CSMD1: variants seen among roughly 807,000 people sequenced by gnomAD.
The protein encoded by CSMD1 is CUB and sushi domain-containing protein 1.
Under a neutral mutation model 417.5 loss-of-function variants are expected in CSMD1, and 213 were observed. The observed-to-expected ratio is 0.51, with a 90% CI of 0.46 to 0.57. The LOEUF (loss-of-function observed/expected upper bound fraction) is 0.57, where lower values mean the gene tolerates loss of function less well. CSMD1 is among the 20% of genes least tolerant of loss of function. The pLI, the probability that CSMD1 is intolerant of heterozygous loss-of-function variation, is 0.00. For missense variants in CSMD1, 6,923 were observed against 4,529.7 expected, an observed-to-expected ratio of 1.53 and a Z score of -15.17; for synonymous variants, 2,862 against 1,736.8, an observed-to-expected ratio of 1.65 and a Z score of -16.11.
chr8:4,756,150 T>A (rs537500040), intron 1 of CSMD1, among the ~76,000 whole-genome samples: 1 of 152,342 alleles, frequency 6.6e-6, no homozygotes, highest in Admixed American at 6.5e-5. Context: ...TCAATTAAAC[T>A]TTATGAATTC....
At chr8:4,201,587 A>G (rs559891178) in intron 3 of CSMD1, among the ~76,000 whole-genome samples, 14 of 150,382 alleles carry the variant, frequency 9.3e-5, no homozygotes, top group African/African-American at 3.4e-4. Flanking sequence ...TCAGAAAACG[A>G]TATGCAACAA....
In CSMD1 at chr8:4,417,307, G is replaced by C. The variant is rs567168453; in HGVS notation, c.415+2646C>G. ...ATTATGTAGCTTAATAGTTCCATGTGTGAATAATAGTTTATGTAAATAAAG... is the reference window on the plus strand; with the variant it reads ...ATTATGTAGCTTAATAGTTCCATGTCTGAATAATAGTTTATGTAAATAAAG... On this transcript the variant is annotated intron_variant, in intron 3 of 69. Transcript: ENST00000635120. Among the ~76,000 whole-genome samples the C allele has an allele frequency of 2.6e-5, 4 of 152,068 alleles. No homozygotes were observed. In the South Asian group the frequency reaches 8.3e-4, roughly 32 times the overall value.
Position 4,285,772 on chromosome 8 carries a change from A to G in CSMD1, c.415+134181T>C, listed in dbSNP as rs139960592. Among the ~76,000 whole-genome samples, 12 of 152,284 alleles carry G rather than the reference A, an allele frequency of 7.9e-5. 1 individual carries two copies. Among genetic ancestry groups the G allele is most frequent in the African/African-American group, 2.9e-4 (12 of 41,570 alleles). On this transcript the variant is annotated intron_variant, in intron 3 of 69. Coordinates refer to ENST00000635120, the MANE Select transcript of CSMD1 (RefSeq NM_033225.6). ...CAGAGGTCAAAATAGCTTTGTTAAGACATGCAGGCTCTGCTTCTTCTCCAG... is the reference window on the plus strand; with the variant it reads ...CAGAGGTCAAAATAGCTTTGTTAAGGCATGCAGGCTCTGCTTCTTCTCCAG...
At chr8:4,027,426 G>A (rs183391149) in intron 4 of CSMD1, among the ~76,000 whole-genome samples, 1 of 152,086 alleles carries the variant, frequency 6.6e-6, no homozygotes, top group Admixed American at 6.6e-5. Context: ...GAGGTGATTA[G>A]ATCATGGGGG....
chr8:3,586,813 G>C (rs575518232), intron 8 of CSMD1, among the ~76,000 whole-genome samples: 1 of 152,116 alleles, frequency 6.6e-6, no homozygotes, highest in Non-Finnish European at 1.5e-5. Flanking sequence ...TGTTTGTTTT[G>C]TTTTGAGACA....
intron 3 of CSMD1, among the ~76,000 whole-genome samples, chr8:4,219,911 A>G (rs370047534): frequency 1.3e-5 from 2 of 152,222 alleles, no homozygotes; most frequent in African/African-American, 4.8e-5. Flanking sequence ...TACTTGTAAT[A>G]TGATGGAGAG....
chr8:4,678,782 T>G (rs1470315488), intron 1 of CSMD1, among the ~76,000 whole-genome samples: 1 of 152,184 alleles, frequency 6.6e-6, no homozygotes, highest in Non-Finnish European at 1.5e-5. Flanking sequence ...CGTCTTACCT[T>G]TGAGCAAGTT....
At chr8:4,511,280 G>A (rs1802804876) in intron 2 of CSMD1, among the ~76,000 whole-genome samples, 1 of 152,084 alleles carries the variant, frequency 6.6e-6, no homozygotes, top group Admixed American at 6.5e-5. Flanking sequence ...ATAGTCCCAG[G>A]GCTGGGAGCA....
In CSMD1 at chr8:3,586,229, C is replaced by T. The variant is rs757012519; in HGVS notation, c.1129G>A (p.Asp377Asn). The T allele has an allele frequency of 3.1e-6, 5 of 1,612,026 alleles. No individual in the cohort carries two copies. The highest frequency in any genetic ancestry group is 1.7e-6 in the Non-Finnish European group (2 of 1,179,242). Reference sequence around the variant, plus strand: ...TTAGATCCCTGGAGCACGTAATTGTCCTCACATGAAAACTGTACATTTGCA... The same window carrying T: ...TTAGATCCCTGGAGCACGTAATTGTTCTCACATGAAAACTGTACATTTGCA... ...VGANVQFSCE[D>N]NYVLQGSKSI... The change falls in exon 9 of 70, where the codon GAC becomes AAC. Residue 377 changes from aspartate (D) to asparagine (N), a missense_variant. Transcript: ENST00000635120.
chr8:3,564,163 T>A (rs1218014798), intron 10 of CSMD1, among the ~76,000 whole-genome samples: 2 of 152,232 alleles, frequency 1.3e-5, no homozygotes, highest in African/African-American at 4.8e-5. Context: ...GAAATTATTT[T>A]CTTCTAGCTA....
At chr8:4,669,872 C>T (rs755997357) in intron 1 of CSMD1, among the ~76,000 whole-genome samples, 1 of 152,174 alleles carries the variant, frequency 6.6e-6, no homozygotes, top group African/African-American at 2.4e-5. Flanking sequence ...CCTCAGGTTT[C>T]TGGGCTTCTA....
At chr8:4,530,853 C>A (rs543984482) in intron 2 of CSMD1, among the ~76,000 whole-genome samples, 1 of 152,006 alleles carries the variant, frequency 6.6e-6, no homozygotes, top group African/African-American at 2.4e-5. Flanking sequence ...TTCCTTATTT[C>A]CTTTTCACAA....
chr8:3,903,821 C>A (rs763543490), intron 5 of CSMD1, among the ~76,000 whole-genome samples: 3 of 152,102 alleles, frequency 2.0e-5, no homozygotes, highest in Non-Finnish European at 2.9e-5. Context: ...ATGTTTTCTT[C>A]GAGCTCTGAG....
chr8:3,349,779 C>G (rs922821054), intron 21 of CSMD1, among the ~76,000 whole-genome samples: 11 of 120,782 alleles, frequency 9.1e-5, no homozygotes, highest in Admixed American at 8.9e-4. Context: ...AGATATAAGT[C>G]TAAATATAAA....
At chr8:3,021,543 G>A (rs193121443) in intron 51 of CSMD1, among the ~76,000 whole-genome samples, 40 of 152,240 alleles carry the variant, frequency 2.6e-4, no homozygotes, top group African/African-American at 9.4e-4. Context: ...TTAAAAGTGT[G>A]TCCACGCTCA....
intron 1 of CSMD1, among the ~76,000 whole-genome samples, chr8:4,761,929 A>G (rs561618396): frequency 6.7e-6 from 1 of 148,898 alleles, no homozygotes; most frequent in African/African-American, 2.5e-5. Context: ...CTATCTATCT[A>G]TCTATCTATC....
At chr8:4,627,544 G>T (rs537144671) in intron 2 of CSMD1, among the ~76,000 whole-genome samples, 1 of 152,048 alleles carries the variant, frequency 6.6e-6, no homozygotes, top group African/African-American at 2.4e-5. Flanking sequence ...CCTTTTGAAA[G>T]ACAATGTAAA....
chr8:4,755,434 T>A (rs1483196127), intron 1 of CSMD1, among the ~76,000 whole-genome samples: 1 of 152,206 alleles, frequency 6.6e-6, no homozygotes, highest in Non-Finnish European at 1.5e-5. Context: ...TTATTTACTA[T>A]CTTAATTTTT....
intron 23 of CSMD1, among the ~76,000 whole-genome samples, chr8:3,316,449 C>G (rs966503220): frequency 9.9e-5 from 15 of 152,056 alleles, no homozygotes; most frequent in Non-Finnish European, 1.9e-4. Flanking sequence ...TAAAACAACA[C>G]GATGAATGCT....
Sources: gnomAD v4.1 joint callset for allele counts (sites outside exome capture counted in the v4.1 genomes callset) on GRCh38, gnomAD v4.1.1 for gene constraint, MANE v1.5 for transcripts, NCBI Gene and HGNC (gene_info 2026-07-23, HGNC 2026-07-21) for gene names.